PCDHGB5: variants seen among roughly 807,000 people sequenced by gnomAD.
PCDHGB5 encodes the protein protocadherin gamma subfamily B, 5, also known as protocadherin gamma-B5.
Under a neutral mutation model 62.9 loss-of-function variants are expected in PCDHGB5, and 48 were observed. The observed-to-expected ratio is 0.76, with a 90% CI of 0.61 to 0.97. The LOEUF (loss-of-function observed/expected upper bound fraction) is 0.97. PCDHGB5 is among the 50% of genes least tolerant of loss of function. The probability of loss-of-function intolerance (pLI) is 0.00; values close to 1 mark genes in which losing one functional copy is unlikely to be tolerated. For synonymous variants in PCDHGB5, 474 were observed against 511.2 expected (o/e 0.93, Z 0.98); for missense variants, 1,118 against 1,198.6 (o/e 0.93, Z 0.99).
chr5:141,481,348 T>C (rs2099536105), intron 1 of PCDHGB5, among the ~76,000 whole-genome samples: 1 of 152,250 alleles, frequency 6.6e-6, no homozygotes, highest in Non-Finnish European at 1.5e-5. Flanking sequence ...TATTTAAACA[T>C]CTACAGCTGT....
intron 1 of PCDHGB5, among the ~76,000 whole-genome samples, chr5:141,480,400 G>A (rs1364147575): frequency 6.8e-6 from 1 of 146,550 alleles, no homozygotes; most frequent in Non-Finnish European, 1.5e-5. Context: ...TGGCAATAGA[G>A]TGAGACCCTG....
chr5:141,423,864 G>T, intron 1 of PCDHGB5: 4 of 1,284,224 alleles, frequency 3.1e-6, no homozygotes, highest in Non-Finnish European at 3.9e-6. Flanking sequence ...TTTTGTGAAA[G>T]TCATTTTTCA....
At chr5:141,420,546 G>A in intron 1 of PCDHGB5, 1 of 284,254 alleles carries the variant, frequency 3.5e-6, no homozygotes, top group South Asian at 1.2e-4. Context: ...ATAAAATACA[G>A]GTATATTTTT....
chr5:141,434,253 G>C (rs979768901), intron 1 of PCDHGB5, among the ~76,000 whole-genome samples: 9 of 152,198 alleles, frequency 5.9e-5, no homozygotes, highest in Non-Finnish European at 1.3e-4. Flanking sequence ...CTTGGGCATT[G>C]TGGGGGAGGT....
chr5:141,482,099 A>AG (rs1423781570), intron 1 of PCDHGB5, among the ~76,000 whole-genome samples: 1 of 151,852 alleles, frequency 6.6e-6, no homozygotes, highest in African/African-American at 2.4e-5. Flanking sequence ...CAAAAAAAAA[A>AG]AAAAAATATC....
chr5:141,490,322 A>C lies in PCDHGB5; in HGVS notation c.2398-4485A>C. ...GCCTCTTTGGCCAACCCTGTCCTAGAGAGCACACCAGTGGGCACAGTAGTG... is the reference window on the plus strand; with the variant it reads ...GCCTCTTTGGCCAACCCTGTCCTAGCGAGCACACCAGTGGGCACAGTAGTG... On this transcript the variant is annotated intron_variant, in intron 1 of 3. Coordinates refer to ENST00000617380, the MANE Select transcript of PCDHGB5 (RefSeq NM_018925.3). This position sits in a 1 kb window ranked among gnomAD's most constrained non-coding sequence, Gnocchi z 5.4. The C allele has an allele frequency of 6.2e-7, 1 of 1,614,232 alleles. No individual in the cohort carries two copies. Among genetic ancestry groups the C allele is most frequent in the Non-Finnish European group, 8.5e-7 (1 of 1,180,038 alleles).
At position 141,410,204 on chromosome 5, in the gene PCDHGB5, T is replaced by C. The variant is rs1212919717; in HGVS notation, c.2397+9680T>C. 11 of 1,613,954 alleles carry C rather than the reference T, an allele frequency of 6.8e-6. No homozygotes were observed. In the South Asian group the frequency reaches 9.9e-5, roughly 14 times the overall value. Reference sequence around the variant, plus strand: ...GCTTCATCTGGTCTTCGCAGACAACTTGCAAGAGATACTGCCAGACCTCAG... The same window carrying C: ...GCTTCATCTGGTCTTCGCAGACAACCTGCAAGAGATACTGCCAGACCTCAG... On this transcript the variant is annotated intron_variant, in intron 1 of 3. Transcript: ENST00000617380.
chr5:141,473,117 C>A (rs976493841), intron 1 of PCDHGB5, among the ~76,000 whole-genome samples: 4 of 152,140 alleles, frequency 2.6e-5, no homozygotes, highest in Admixed American at 1.3e-4. Flanking sequence ...CTTTACTTGG[C>A]TCTTTGGCAA....
chr5:141,407,406 C>T (rs971404616), intron 1 of PCDHGB5, among the ~76,000 whole-genome samples: 2 of 152,090 alleles, frequency 1.3e-5, no homozygotes, highest in East Asian at 3.8e-4. Flanking sequence ...AGTTACTATT[C>T]GATACCACAA....
At chr5:141,505,275 AGGTCTTGGGCATGGGGTAG>A (rs1251192617) in intron 2 of PCDHGB5, 99 bp from the exon 3 acceptor site, 87 of 1,525,470 alleles carry the variant, frequency 5.7e-5, no homozygotes, top group Non-Finnish European at 2.0e-5. Context: ...TGAGAGAAAC[AGGTCTTGGGCATGGGGTAG>A]GGTTAGGGTA....
Position 141,485,369 on chromosome 5 carries a change from G to T in PCDHGB5, c.2398-9438G>T. On this transcript the variant is annotated intron_variant, in intron 1 of 3. Transcript: ENST00000617380. This position sits in a 1 kb window ranked among gnomAD's most constrained non-coding sequence, Gnocchi z 5.7. ...CAGTCTGTCAGCTCGCAGGCTGCAG[G>T]TCGCTGGAGAGGTGAACCAAAGACA... 1 of 1,614,154 alleles carries T rather than the reference G, an allele frequency of 6.2e-7. No individual in the cohort carries two copies. The highest frequency in any genetic ancestry group is 1.1e-5 in the South Asian group (1 of 91,088).
At chr5:141,422,696 ACT>A in intron 1 of PCDHGB5, 1 of 1,602,756 alleles carries the variant, frequency 6.2e-7, no homozygotes, top group Non-Finnish European at 8.5e-7. Flanking sequence ...CTGGTCACTT[ACT>A]CTCTGACGGA....
rs1561869034 is a variant in PCDHGB5 at position 141,433,357 on chromosome 5, G to GT, written c.2397+32833_2397+32834insT. On this transcript the variant is annotated intron_variant, in intron 1 of 3. Transcript: ENST00000617380. ...TACAGGTGCAAGCCACCTACTGTCT[G>GT]CCTATCTATCTATCTATCTATCTAT... 125 of 569,056 alleles carry GT rather than the reference G, an allele frequency of 2.2e-4. No homozygotes were observed. In the African/African-American group the frequency reaches 2.4e-3, roughly 11 times the overall value. The allele number at this position is 569,056 out of a possible 1,614,324, so 35.3% of individuals were successfully genotyped here. A position where few individuals can be genotyped will look rare whatever the true frequency, so the allele number is the denominator to read the frequency against.
At chr5:141,441,782 G>T in intron 1 of PCDHGB5, 1 of 391,086 alleles carries the variant, frequency 2.6e-6, no homozygotes, top group East Asian at 8.8e-5. Context: ...TGGACGACCT[G>T]AATGACAACG....
At chr5:141,494,759 C>G (rs776923097) in intron 1 of PCDHGB5, 48 bp from the exon 2 acceptor site, 2 of 1,613,886 alleles carry the variant, frequency 1.2e-6, no homozygotes, top group Middle Eastern at 1.6e-4. Flanking sequence ...GGGTGACATT[C>G]TAACTTCTCA....
intron 1 of PCDHGB5, among the ~76,000 whole-genome samples, chr5:141,453,827 C>T (rs2098775483): frequency 6.6e-6 from 1 of 152,320 alleles, no homozygotes; most frequent in South Asian, 2.1e-4. Flanking sequence ...AACTTGGCTG[C>T]TAGCCCTTCA....
chr5:141,417,828 A>G (rs1439385565), intron 1 of PCDHGB5: 1 of 1,521,792 alleles, frequency 6.6e-7, no homozygotes, highest in Non-Finnish European at 8.8e-7. Context: ...CCAACTGGAA[A>G]AGCGGGGACC....
rs755219133 is a variant in PCDHGB5 at position 141,398,826 on chromosome 5, C to G, written c.699C>G (p.Thr233=). ...SGTTELRIQV[T]DANDNPPVFN... ...CCACTGAGCTCCGGATCCAGGTAAC[C>G]GACGCCAATGATAATCCCCCGGTAT... The change falls in exon 1 of 4, where the codon ACC becomes ACG. Residue 233 remains threonine, a synonymous_variant. Transcript: ENST00000617380. The G allele has an allele frequency of 6.2e-7, 1 of 1,613,824 alleles. No homozygotes were observed. Among genetic ancestry groups the G allele is most frequent in the South Asian group, 1.1e-5 (1 of 91,086 alleles).
In PCDHGB5 at chr5:141,414,837, G is replaced by C. The variant is rs776651290; in HGVS notation, c.2397+14313G>C. On this transcript the variant is annotated intron_variant, in intron 1 of 3. Coordinates refer to ENST00000617380, the MANE Select transcript of PCDHGB5 (RefSeq NM_018925.3). ...TCAGCAGCAACGTGTCGTTGAGCCT[G>C]TTTGTGCTGGACCAGAACGACAATG... The C allele has an allele frequency of 2.4e-5, 38 of 1,614,232 alleles. No homozygotes were observed. In the Admixed American group the frequency reaches 5.8e-4, roughly 25 times the overall value.
Sources: gnomAD v4.1 joint callset for allele counts (sites outside exome capture counted in the v4.1 genomes callset) on GRCh38, gnomAD v4.1.1 for gene constraint, Gnocchi (gnomAD v3.1) non-coding constraint, MANE v1.5 for transcripts, NCBI Gene and HGNC (gene_info 2026-07-23, HGNC 2026-07-21) for gene names.